ST3GAL3: variants seen among roughly 807,000 people sequenced by gnomAD.
ST3GAL3 encodes ST3 beta-galactoside alpha-2,3-sialyltransferase 3, also known as CMP-N-acetylneuraminate-beta-1,4-galactoside alpha-2,3-sialyltransferase.
A neutral mutation model predicts 50.1 loss-of-function variants in ST3GAL3; 21 were observed. That is an observed-to-expected ratio of 0.42 (90% CI 0.30 to 0.60). The LOEUF is 0.60. Ranked by LOEUF, ST3GAL3 falls within the 20% of genes least tolerant of loss-of-function variation. The pLI is 0.19. For synonymous variants in ST3GAL3, 183 were observed against 190.0 expected (o/e 0.96, Z 0.30); for missense variants, 353 against 489.4 (o/e 0.72, Z 2.63).
intron 3 of ST3GAL3, among the ~76,000 whole-genome samples, chr1:43,811,985 G>A (rs2060615099): frequency 6.6e-6 from 1 of 152,168 alleles, no homozygotes; most frequent in African/African-American, 2.4e-5. Flanking sequence ...GCACTTCACT[G>A]TGGTGTCTGA....
At chr1:43,840,625 A>C (rs979301140) in intron 5 of ST3GAL3, 3 of 151,850 alleles carry the variant, frequency 2.0e-5, no homozygotes, top group Non-Finnish European at 4.4e-5. Context: ...CCTAATAAAA[A>C]CTTGCTGGTT....
At chr1:43,838,127 A>AAAAAAAAAAAAAC (rs1308484217) in intron 4 of ST3GAL3, 92 bp from the exon 5 acceptor site, 1 of 718,010 alleles carries the variant, frequency 1.4e-6, no homozygotes. Context: ...AAAAAAAAAA[A>AAAAAAAAAAAAAC]AAAGGGTTAA....
At chr1:43,851,462 C>T in intron 5 of ST3GAL3, 1 of 1,607,078 alleles carries the variant, frequency 6.2e-7, no homozygotes, top group South Asian at 1.1e-5. Context: ...AGAGGGTCTC[C>T]AGCTCATGAG....
At position 43,920,414 on chromosome 1, in the gene ST3GAL3, ATGGCTTCTGGAAATCTG is replaced by A. The variant is rs1431837786; in HGVS notation, c.760_776del (p.Phe254HisfsTer9). The A allele has an allele frequency of 6.2e-7, 1 of 1,613,906 alleles. No individual in the cohort carries two copies. The highest frequency in any genetic ancestry group is 1.7e-5 in the Admixed American group (1 of 59,998). Reference sequence around the variant, plus strand: ...TTGCTGTGTCCACAGAGTGCATCGGATGGCTTCTGGAAATCTGTGGCCACTCGAGTGCCCAAGGAGCC... The same window carrying A: ...TTGCTGTGTCCACAGAGTGCATCGGATGGCCACTCGAGTGCCCAAGGAGCC... On this transcript the variant is annotated frameshift_variant, in exon 10 of 12. Coordinates refer to ENST00000347631, the MANE Select transcript of ST3GAL3 (RefSeq NM_006279.5). LOFTEE classifies it high-confidence loss of function.
At chr1:43,750,992 T>G (rs1685846037) in intron 2 of ST3GAL3, among the ~76,000 whole-genome samples, 1 of 152,092 alleles carries the variant, frequency 6.6e-6, no homozygotes, top group South Asian at 2.1e-4. Context: ...TTGGTATATA[T>G]GACAGAGAGA....
chr1:43,802,511 C>A (rs2059427222), intron 3 of ST3GAL3, among the ~76,000 whole-genome samples: 1 of 152,148 alleles, frequency 6.6e-6, no homozygotes, highest in South Asian at 2.1e-4. Context: ...GGTTGGAGAT[C>A]ATAAAAGGCT....
rs144207339 is a variant in ST3GAL3, at chr1:43,727,029, C to T, written c.-30-9204C>T. Among the ~76,000 whole-genome samples the T allele has an allele frequency of 3.3e-3, 510 of 152,250 alleles. 5 individuals are homozygous for T. Among genetic ancestry groups the T allele is most frequent in the African/African-American group, 0.012 (480 of 41,548 alleles). ...TATTCCTTCTATTTTCATCAGCTGT[C>T]GTTTCACTCTGAGAGCTTTCTCCCC... On this transcript the variant is annotated intron_variant, in intron 1 of 11. Coordinates refer to ENST00000347631, the MANE Select transcript of ST3GAL3 (RefSeq NM_006279.5).
intron 5 of ST3GAL3, 44 bp from the exon 6 acceptor site, chr1:43,894,339 A>G: frequency 1.3e-6 from 2 of 1,593,004 alleles, no homozygotes; most frequent in Non-Finnish European, 1.7e-6. Flanking sequence ...AGTAATCCAG[A>G]CTGTTGCGTT....
Position 43,737,496 on chromosome 1 carries a change from T to G in ST3GAL3, c.118+1116T>G, listed in dbSNP as rs1271717430. On this transcript the variant is annotated intron_variant, in intron 2 of 11. Transcript: ENST00000347631. This position sits in a 1 kb window ranked among gnomAD's most constrained non-coding sequence, Gnocchi z 4.0. ...AAAATATAGTGTTATATCCTTAATT[T>G]ACTGTTTTATATAGAATATTTAAGT... 1 of 152,276 alleles carries G rather than the reference T, an allele frequency of 6.6e-6. No homozygotes were observed. Among genetic ancestry groups the G allele is most frequent in the Non-Finnish European group, 1.5e-5 (1 of 68,052 alleles). 9.4% of individuals were successfully genotyped at this position (152,276 alleles called of 1,614,324 possible).
At chr1:43,725,448 C>T (rs1372846651) in intron 1 of ST3GAL3, among the ~76,000 whole-genome samples, 1 of 152,110 alleles carries the variant, frequency 6.6e-6, no homozygotes, top group Non-Finnish European at 1.5e-5. Flanking sequence ...ATCCACCCAC[C>T]TCGGCGTCTC....
intron 5 of ST3GAL3, among the ~76,000 whole-genome samples, chr1:43,873,265 G>A (rs1207479840): frequency 6.6e-6 from 1 of 152,174 alleles, no homozygotes; most frequent in Non-Finnish European, 1.5e-5. Context: ...ATATTCTGAA[G>A]GGAGAGCTAA....
At chr1:43,758,962 T>G (rs916033305) in intron 2 of ST3GAL3, among the ~76,000 whole-genome samples, 11 of 150,258 alleles carry the variant, frequency 7.3e-5, no homozygotes, top group African/African-American at 2.2e-4. Context: ...GAGAATCAGT[T>G]GAGCCTAGGA....
intron 2 of ST3GAL3, 60 bp downstream of exon 2, chr1:43,736,440 T>G: frequency 6.2e-7 from 1 of 1,613,948 alleles, no homozygotes; most frequent in Non-Finnish European, 8.5e-7. Flanking sequence ...GTTACTGGTT[T>G]TTCGTGTGGC....
chr1:43,898,988 C>T, intron 7 of ST3GAL3, 180 bp from the exon 8 acceptor site: 1 of 737,006 alleles, frequency 1.4e-6, no homozygotes. Flanking sequence ...AGTCTCAGGG[C>T]CCAGCTACCC....
At position 43,782,961 on chromosome 1, in the gene ST3GAL3, C is replaced by T. The variant is rs10890282; in HGVS notation, c.119-9141C>T. Among the ~76,000 whole-genome samples, 829 of 152,134 alleles carry T rather than the reference C, an allele frequency of 5.4e-3. 12 individuals are homozygous for T. Among genetic ancestry groups the T allele is most frequent in the African/African-American group, 0.019 (784 of 41,494 alleles). On this transcript the variant is annotated intron_variant, in intron 2 of 11. Transcript: ENST00000347631. ...TTTAATTACAGGATGCTGCCCCAAACCTCATAGGGGGATGTTAAATAATAT... is the reference window on the plus strand; with the variant it reads ...TTTAATTACAGGATGCTGCCCCAAATCTCATAGGGGGATGTTAAATAATAT...
intron 3 of ST3GAL3, among the ~76,000 whole-genome samples, chr1:43,808,586 A>G (rs1558393188): frequency 6.6e-6 from 1 of 152,204 alleles, no homozygotes; most frequent in Non-Finnish European, 1.5e-5. Flanking sequence ...GCCCAAGCCA[A>G]CTTCCTGGAG....
intron 5 of ST3GAL3, among the ~76,000 whole-genome samples, chr1:43,875,253 G>T (rs2073836774): frequency 6.6e-6 from 1 of 152,190 alleles, no homozygotes; most frequent in Non-Finnish European, 1.5e-5. Flanking sequence ...AGCTATGACA[G>T]CAGGTGAGCT....
intron 11 of ST3GAL3, chr1:43,921,588 T>C: frequency 5.0e-6 from 2 of 399,414 alleles, no homozygotes; most frequent in South Asian, 1.3e-4. Flanking sequence ...TACATCTGGG[T>C]GATGGGAGGT....
intron 3 of ST3GAL3, among the ~76,000 whole-genome samples, chr1:43,792,949 C>A (rs965871149): frequency 6.6e-6 from 1 of 152,154 alleles, no homozygotes; most frequent in African/African-American, 2.4e-5. Flanking sequence ...GGCCTCATAC[C>A]ATGGGTACTG....
Sources: gnomAD v4.1 joint callset for allele counts (sites outside exome capture counted in the v4.1 genomes callset) on GRCh38, gnomAD v4.1.1 for gene constraint, Gnocchi (gnomAD v3.1) non-coding constraint, MANE v1.5 for transcripts, NCBI Gene and HGNC (gene_info 2026-07-23, HGNC 2026-07-21) for gene names.